Variants in TSHZ3 observed in about 807,000 individuals in gnomAD.
TSHZ3 encodes teashirt zinc finger homeobox 3, also known as teashirt homolog 3.
A neutral mutation model predicts 64.5 loss-of-function variants in TSHZ3; 10 were observed. That is an observed-to-expected ratio of 0.16 (90% CI 0.10 to 0.26). TSHZ3 has a LOEUF of 0.26. Among genes scored for constraint, TSHZ3 ranks in the 10% least tolerant of loss-of-function variants. The pLI is 1.00. For missense variants in TSHZ3, 1,242 were observed against 1,421.7 expected (o/e 0.87, Z 2.03); for synonymous variants, 608 against 593.1 (o/e 1.03, Z -0.36).
At chr19:31,211,505 C>T (rs1009707807) in intron 4 of TSHZ3, among the ~76,000 whole-genome samples, 2 of 152,142 alleles carry the variant, frequency 1.3e-5, no homozygotes, top group Non-Finnish European at 2.9e-5. Flanking sequence ...GGGAAGAAGG[C>T]AGGACTGGGC....
At chr19:31,297,420 C>G (rs1199404001) in intron 1 of TSHZ3, among the ~76,000 whole-genome samples, 3 of 120,114 alleles carry the variant, frequency 2.5e-5, no homozygotes, top group African/African-American at 8.4e-5. Flanking sequence ...CCCTTCCTGT[C>G]TCTTTTTTTT....
At chr19:31,325,202 G>A (rs996953457) in intron 1 of TSHZ3, among the ~76,000 whole-genome samples, 5 of 152,186 alleles carry the variant, frequency 3.3e-5, no homozygotes, top group Admixed American at 2.0e-4. Context: ...GAGGGCTTCC[G>A]CAGTCCGGCC....
chr19:31,272,388 T>A (rs922030471), downstream of TSHZ3, among the ~76,000 whole-genome samples: 1 of 152,164 alleles, frequency 6.6e-6, no homozygotes, highest in Non-Finnish European at 1.5e-5. Context: ...CTGGGAAGGC[T>A]GTGGACACAC....
At chr19:31,269,941 C>A (rs1976112054) in intron 1 of TSHZ3, among the ~76,000 whole-genome samples, 1 of 152,164 alleles carries the variant, frequency 6.6e-6, no homozygotes, top group Admixed American at 6.5e-5. Context: ...GCCACGGAGC[C>A]AAGTCTGTCT....
intron 1 of TSHZ3, among the ~76,000 whole-genome samples, chr19:31,337,044 G>A: frequency 7.6e-6 from 1 of 131,230 alleles, no homozygotes; most frequent in Non-Finnish European, 1.6e-5. Context: ...AGGCAACCCA[G>A]AGCAAGTACT....
At chr19:31,330,518 G>A (rs367742930) in intron 1 of TSHZ3, among the ~76,000 whole-genome samples, 13 of 152,298 alleles carry the variant, frequency 8.5e-5, no homozygotes, top group South Asian at 2.1e-4. Context: ...TCACACCCTC[G>A]GTCAGCATCG....
intron 5 of TSHZ3, among the ~76,000 whole-genome samples, chr19:31,201,374 A>G (rs1456095292): frequency 6.6e-6 from 1 of 152,202 alleles, no homozygotes; most frequent in Non-Finnish European, 1.5e-5. Flanking sequence ...ATCAAAATCA[A>G]AAAGAGAAAA....
intron 1 of TSHZ3, among the ~76,000 whole-genome samples, chr19:31,337,386 ATAG>A (rs1439421811): frequency 1.4e-4 from 21 of 152,208 alleles, no homozygotes; most frequent in African/African-American, 4.8e-4. Flanking sequence ...GCACCTATTA[ATAG>A]CAAAGTTTTT....
At chr19:31,211,156 G>A (rs889383046) in intron 4 of TSHZ3, among the ~76,000 whole-genome samples, 3 of 152,236 alleles carry the variant, frequency 2.0e-5, no homozygotes, top group South Asian at 4.1e-4. Flanking sequence ...TGTTTTCATA[G>A]TCCAAAGAGT....
At chr19:31,273,493 C>T (rs368551974), downstream of TSHZ3, among the ~76,000 whole-genome samples, 1 of 152,138 alleles carries the variant, frequency 6.6e-6, no homozygotes, top group African/African-American at 2.4e-5. Context: ...GGGGTTCCAC[C>T]GTCACTCGTA....
chr19:31,350,129 C>T (rs1340262880), upstream of TSHZ3, among the ~76,000 whole-genome samples: 1 of 149,162 alleles, frequency 6.7e-6, no homozygotes, highest in Non-Finnish European at 1.5e-5. Context: ...CCGCCGACTC[C>T]GGAGCCCCCA....
At chr19:31,185,120 A>G (rs1974783666) in intron 5 of TSHZ3, among the ~76,000 whole-genome samples, 3 of 151,244 alleles carry the variant, frequency 2.0e-5, no homozygotes, top group Non-Finnish European at 4.4e-5. Context: ...AAAAAACACA[A>G]GGGGAATAGA....
At chr19:31,328,965 G>A (rs1363309695) in intron 1 of TSHZ3, among the ~76,000 whole-genome samples, 1 of 152,120 alleles carries the variant, frequency 6.6e-6, no homozygotes, top group Admixed American at 6.5e-5. Flanking sequence ...CTCACTTGCG[G>A]AAGAGTTGGT....
chr19:31,214,270 T>C (rs998761161), intron 4 of TSHZ3, among the ~76,000 whole-genome samples: 8 of 152,192 alleles, frequency 5.3e-5, no homozygotes, highest in African/African-American at 1.9e-4. Flanking sequence ...AACCAGAGGC[T>C]GCATGAGTCA....
chr19:31,293,567 G>A (rs1976611748), intron 1 of TSHZ3, among the ~76,000 whole-genome samples: 1 of 152,102 alleles, frequency 6.6e-6, no homozygotes, highest in Non-Finnish European at 1.5e-5. Context: ...ATGTCCCCCA[G>A]GAAGTCCTTT....
At chr19:31,191,278 AT>A (rs1974902152) in intron 5 of TSHZ3, among the ~76,000 whole-genome samples, 2 of 152,232 alleles carry the variant, frequency 1.3e-5, no homozygotes, top group African/African-American at 2.4e-5. Flanking sequence ...CACAAAAAAA[AT>A]CATAAAAGCA....
At chr19:31,281,979 C>T (rs1376728505) in intron 1 of TSHZ3, among the ~76,000 whole-genome samples, 1 of 152,156 alleles carries the variant, frequency 6.6e-6, no homozygotes, top group African/African-American at 2.4e-5. Context: ...TGAAGGATGG[C>T]TTGTTACCCT....
chr19:31,325,466 T>C (rs1265227346), intron 1 of TSHZ3, among the ~76,000 whole-genome samples: 1 of 152,194 alleles, frequency 6.6e-6, no homozygotes, highest in Middle Eastern at 3.2e-3. Flanking sequence ...TGTTGATGCA[T>C]GGAGGCTTCT....
At chr19:31,329,868 C>G (rs371308715) in intron 1 of TSHZ3, among the ~76,000 whole-genome samples, 1 of 152,130 alleles carries the variant, frequency 6.6e-6, no homozygotes, top group Non-Finnish European at 1.5e-5. Context: ...GTTGGGTCAA[C>G]TAAGAGCAAG....
Sources: allele counts gnomAD v4.1 joint callset (sites outside exome capture counted in the v4.1 genomes callset), GRCh38; gene constraint gnomAD v4.1.1; transcripts MANE v1.5; gene names NCBI Gene and HGNC (gene_info 2026-07-23, HGNC 2026-07-21).